The following CCDC57 variants were observed in gnomAD, a reference collection of about 807,000 sequenced individuals.
CCDC57 encodes coiled-coil domain-containing protein 57.
Under a neutral mutation model 118.9 loss-of-function variants are expected in CCDC57, and 118 were observed. That is an observed-to-expected ratio of 0.99 (90% confidence interval 0.86 to 1.16). The LOEUF is 1.16. Among genes scored for constraint, CCDC57 ranks in the 50% most tolerant of loss-of-function variants. The probability of loss-of-function intolerance (pLI) is 0.00; values close to 1 mark genes in which losing one functional copy is unlikely to be tolerated. For missense variants in CCDC57, 1,300 were observed against 1,320.7 expected (o/e 0.98, Z 0.24); for synonymous variants, 527 against 532.9 (o/e 0.99, Z 0.15).
At chr17:82,166,402 C>A (rs2043990796) in intron 13 of CCDC57, among the ~76,000 whole-genome samples, 1 of 151,192 alleles carries the variant, frequency 6.6e-6, no homozygotes, top group Non-Finnish European at 1.5e-5. Context: ...ATAACCCCAG[C>A]TCTTCAGCAG....
At chr17:82,132,075 G>T (rs549052361) in intron 17 of CCDC57, among the ~76,000 whole-genome samples, 3 of 141,088 alleles carry the variant, frequency 2.1e-5, no homozygotes, top group African/African-American at 5.4e-5. Flanking sequence ...CCCAAATTAC[G>T]CCACTGCACT....
Position 82,179,139 on chromosome 17 carries a change from C to T in CCDC57, c.1262G>A (p.Arg421His), listed in dbSNP as rs767830419. 17 of 1,613,878 alleles carry T rather than the reference C, an allele frequency of 1.1e-5. No homozygotes were observed. The highest frequency in any genetic ancestry group is 1.6e-4 in the Middle Eastern group (1 of 6,084). The change falls in exon 10 of 20, where the codon CGT (arginine) becomes CAT (histidine). Residue 421 changes from arginine (R) to histidine (H), a missense_variant. By Grantham distance (29) the Arg-to-His change is conservative. Coordinates refer to ENST00000665763, the Ensembl canonical transcript of CCDC57. Reference sequence around the variant, plus strand: ...GTCCAGGCCCAGCTGCACCTGATCACGCTCCAGGCTCCGCTCCCTTTCCAC... The same window carrying T: ...GTCCAGGCCCAGCTGCACCTGATCATGCTCCAGGCTCCGCTCCCTTTCCAC...
chr17:82,185,713 C>A (rs2046841954), intron 8 of CCDC57, among the ~76,000 whole-genome samples: 1 of 150,598 alleles, frequency 6.6e-6, no homozygotes, highest in Non-Finnish European at 1.5e-5. Context: ...TGCTGAAAAA[C>A]CTATTAAGAA....
At chr17:82,160,292 C>T (rs67634087) in intron 14 of CCDC57, 66,581 of 150,686 alleles carry the variant, frequency 0.44, 15,796 homozygotes, top group East Asian at 0.88. Context: ...TGGAAACATT[C>T]GGTGTCCTTC....
chr17:82,207,000 G>A (rs148177772), intron 2 of CCDC57, among the ~76,000 whole-genome samples: 257 of 152,196 alleles, frequency 1.7e-3, no homozygotes, highest in African/African-American at 5.9e-3. Context: ...CTTTTTGCCT[G>A]GGGACTAGAC....
chr17:82,155,332 G>GC (rs1466610155), intron 15 of CCDC57: 10 of 152,272 alleles, frequency 6.6e-5, no homozygotes, highest in Admixed American at 1.3e-4. Flanking sequence ...GTGGAAGAGT[G>GC]CCCCGTTCCC....
chr17:82,201,390 T>C (rs771234895), intron 3 of CCDC57, 148 bp downstream of exon 2: 306 of 1,026,292 alleles, frequency 3.0e-4, no homozygotes, highest in Non-Finnish European at 3.8e-4. Context: ...ACTCGGCCAC[T>C]CAGACAGACC....
At chr17:82,180,780 G>A (rs1296977809) in intron 9 of CCDC57, among the ~76,000 whole-genome samples, 2 of 152,236 alleles carry the variant, frequency 1.3e-5, no homozygotes, top group Non-Finnish European at 2.9e-5. Context: ...CAGCCCCACA[G>A]ATACATTTTT....
chr17:82,133,477 T>C (rs1172579426), intron 17 of CCDC57, among the ~76,000 whole-genome samples: 1 of 151,100 alleles, frequency 6.6e-6, no homozygotes, highest in African/African-American at 2.4e-5. Context: ...GGTTTTTTTT[T>C]CACTTATCAT....
chr17:82,109,137 T>C (rs1291974943), intron 19 of CCDC57, among the ~76,000 whole-genome samples: 2 of 151,980 alleles, frequency 1.3e-5, no homozygotes, highest in South Asian at 2.1e-4. Flanking sequence ...ACAGAAAGTG[T>C]TGGGGGAGTC....
intron 16 of CCDC57, among the ~76,000 whole-genome samples, chr17:82,141,429 A>C (rs1598847009): frequency 1.3e-5 from 2 of 152,168 alleles, no homozygotes; most frequent in South Asian, 4.1e-4. Context: ...CTCGTGGTCC[A>C]CCTGCCTAGG....
intron 14 of CCDC57, among the ~76,000 whole-genome samples, chr17:82,162,479 G>A (rs1417557970): frequency 1.3e-5 from 2 of 152,254 alleles, no homozygotes; most frequent in African/African-American, 4.8e-5. Flanking sequence ...AGGTTGAAAA[G>A]AACAGCGCTT....
rs996856921 is a variant in CCDC57 at position 82,151,455 on chromosome 17, C to T, written c.2455+105G>A. The T allele has an allele frequency of 2.2e-4, 191 of 861,552 alleles. 3 individuals are homozygous for T. Among genetic ancestry groups the T allele is most frequent in the Middle Eastern group, 1.6e-3 (5 of 3,070 alleles). 53.4% of individuals were successfully genotyped at this position (861,552 alleles called of 1,614,324 possible). On this transcript the variant is annotated intron_variant, in intron 16 of 19. Coordinates refer to ENST00000665763, the Ensembl canonical transcript of CCDC57. ...GACCCACATCCAGAACCTGGTGCAC[C>T]CCCAGAATCTGACCCACATCCAGAA...
At chr17:82,190,821 C>T (rs1037759612) in intron 7 of CCDC57, among the ~76,000 whole-genome samples, 7 of 150,770 alleles carry the variant, frequency 4.6e-5, no homozygotes, top group African/African-American at 7.3e-5. Context: ...GCCTCTAATT[C>T]AACCTTTATG....
chr17:82,172,839 C>A lies in CCDC57; in HGVS notation c.1528G>T (p.Glu510Ter). 1 of 1,612,436 alleles carries A rather than the reference C, an allele frequency of 6.2e-7. No individual in the cohort carries two copies. The highest frequency in any genetic ancestry group is 1.7e-5 in the Admixed American group (1 of 59,824). ...GATGGAAAGTCTTTACTTATTTCTT[C>A]TTCATGCTGCCTGAGAAGCATCTGT... Residue 510 changes from glutamate (E) to a stop codon, truncating the protein, a stop_gained, in exon 12 of 20, where the codon GAA (glutamate) becomes TAA (stop). Coordinates refer to ENST00000665763, the Ensembl canonical transcript of CCDC57. LOFTEE classifies it high-confidence loss of function. The surrounding 1 kb of genome is among the most constrained non-coding windows in gnomAD (Gnocchi z 5.2).
chr17:82,156,405 G>T (rs2145942786), intron 15 of CCDC57: 1 of 152,350 alleles, frequency 6.6e-6, no homozygotes, highest in South Asian at 2.1e-4. Flanking sequence ...AGCTCCTGGG[G>T]CCCCTTGCTG....
intron 19 of CCDC57, among the ~76,000 whole-genome samples, chr17:82,124,144 C>T (rs1164588249): frequency 6.6e-6 from 1 of 152,076 alleles, no homozygotes; most frequent in Non-Finnish European, 1.5e-5. Context: ...CGTTACAGAC[C>T]CCAGAAAGAG....
rs75310233 is a variant in CCDC57, at chr17:82,209,241, T to C, written c.-210-1193A>G. Among the ~76,000 whole-genome samples, 340 of 152,296 alleles carry C rather than the reference T, an allele frequency of 2.2e-3. 9 individuals carry two copies. The East Asian group carries it at 0.046, about 21-fold the overall frequency. ...GAAGGAACATGAAGGGCTGTTTTCT[T>C]TGAACGTGCATTTGCCAAAAAAAAG... is the stretch of plus-strand genomic sequence containing the variant. On this transcript the variant is annotated intron_variant, in intron 1 of 19. Transcript: ENST00000665763.
intron 4 of CCDC57, among the ~76,000 whole-genome samples, chr17:82,197,074 G>C: frequency 7.9e-6 from 1 of 126,808 alleles, no homozygotes; most frequent in Non-Finnish European, 1.6e-5. Context: ...CTGCAGAGAC[G>C]CAGCCCCTCG....
Sources: gnomAD v4.1 joint callset for allele counts (sites outside exome capture counted in the v4.1 genomes callset) on GRCh38, gnomAD v4.1.1 for gene constraint, Gnocchi (gnomAD v3.1) non-coding constraint, MANE v1.5 for transcripts, NCBI Gene and HGNC (gene_info 2026-07-23, HGNC 2026-07-21) for gene names.